Variants in PLD5 observed in about 807,000 individuals in gnomAD.
PLD5 encodes phospholipase D family member 5, also known as inactive phospholipase D5.
Under a neutral mutation model 61.1 loss-of-function variants are expected in PLD5, and 36 were observed. The observed-to-expected ratio is 0.59, with a 90% CI of 0.45 to 0.78. The LOEUF is 0.78. Among genes scored for constraint, PLD5 ranks in the 30% least tolerant of loss-of-function variants. The pLI, the probability that PLD5 is intolerant of heterozygous loss-of-function variation, is 0.00. For missense variants in PLD5, 515 were observed against 644.4 expected (o/e 0.80, Z 2.17); for synonymous variants, 243 against 242.8 (o/e 1.00, Z -0.01).
rs140877729 is a variant in PLD5, at chr1:242,188,352, G to A, written c.735+31636C>T. On this transcript the variant is annotated intron_variant, in intron 5 of 9. Coordinates refer to ENST00000536534, the MANE Select transcript of PLD5 (RefSeq NM_001372062.1). ...ATGTTATTTTTAAGACAGAGATAAGGTTTCCCCATGAGTGTGCAGAAGGTA... is the reference window on the plus strand; with the variant it reads ...ATGTTATTTTTAAGACAGAGATAAGATTTCCCCATGAGTGTGCAGAAGGTA... 7.4e-4 allele frequency among the ~76,000 whole-genome samples: 112 copies of A among 152,266 alleles called. 1 individual carries two copies. The highest frequency in any genetic ancestry group is 6.8e-3 in the Middle Eastern group (2 of 294).
intron 1 of PLD5, among the ~76,000 whole-genome samples, chr1:242,370,911 A>G (rs2149246091): frequency 6.6e-6 from 1 of 152,314 alleles, no homozygotes; most frequent in South Asian, 2.1e-4. Flanking sequence ...ATATATCAAA[A>G]TAAGTCCAAG....
At chr1:242,121,835 G>A (rs534731731) in intron 6 of PLD5, among the ~76,000 whole-genome samples, 65 of 151,224 alleles carry the variant, frequency 4.3e-4, no homozygotes, top group African/African-American at 1.4e-3. Context: ...GCAAACTATC[G>A]CAAGGACAGA....
intron 3 of PLD5, 97 bp downstream of exon 3, chr1:242,288,265 T>C: frequency 6.4e-7 from 1 of 1,559,154 alleles, no homozygotes; most frequent in Non-Finnish European, 8.7e-7. Context: ...TAGACTAAAA[T>C]AAATGAGCTT....
chr1:242,267,270 C>T (rs1673745156), intron 3 of PLD5, among the ~76,000 whole-genome samples: 1 of 152,072 alleles, frequency 6.6e-6, no homozygotes, highest in Admixed American at 6.6e-5. Context: ...AAGAAGCTGC[C>T]AGTGCTGAGG....
chr1:242,101,795 G>A (rs931122234), intron 8 of PLD5, among the ~76,000 whole-genome samples: 1 of 152,148 alleles, frequency 6.6e-6, no homozygotes, highest in Admixed American at 6.6e-5. Flanking sequence ...GTGGTAGAAC[G>A]GTGATAAACT....
At chr1:242,420,341 C>T (rs936885965) in intron 1 of PLD5, among the ~76,000 whole-genome samples, 1 of 152,084 alleles carries the variant, frequency 6.6e-6, no homozygotes, top group African/African-American at 2.4e-5. Flanking sequence ...GTTCCATCTC[C>T]TGCTGGGAAT....
intron 1 of PLD5, among the ~76,000 whole-genome samples, chr1:242,348,791 A>T (rs1464304226): frequency 6.6e-6 from 1 of 152,184 alleles, no homozygotes; most frequent in Non-Finnish European, 1.5e-5. Context: ...GCGGTGGCTC[A>T]TGCCTGTAAT....
At chr1:242,295,588 T>C (rs1002652695) in intron 2 of PLD5, among the ~76,000 whole-genome samples, 16 of 152,330 alleles carry the variant, frequency 1.1e-4, no homozygotes, top group Non-Finnish European at 2.1e-4. Context: ...TTGTGAATAG[T>C]GGTGAGATAA....
At chr1:242,162,416 C>T (rs188196896) in intron 5 of PLD5, among the ~76,000 whole-genome samples, 1 of 152,116 alleles carries the variant, frequency 6.6e-6, no homozygotes, top group Non-Finnish European at 1.5e-5. Flanking sequence ...ACAACCATTA[C>T]AGGAAGCAGG....
At chr1:242,102,374 A>G (rs1015813139) in intron 8 of PLD5, among the ~76,000 whole-genome samples, 3 of 152,238 alleles carry the variant, frequency 2.0e-5, no homozygotes, top group Non-Finnish European at 2.9e-5. Context: ...CTGGAAGACT[A>G]AAATGACAGC....
Position 242,269,659 on chromosome 1 carries a change from C to T in PLD5, c.496-4211G>A, listed in dbSNP as rs533596712. Among the ~76,000 whole-genome samples, 147 of 151,934 alleles carry T rather than the reference C, an allele frequency of 9.7e-4. 1 individual carries two copies. Among genetic ancestry groups the T allele is most frequent in the African/African-American group, 3.5e-3 (144 of 41,400 alleles). On this transcript the variant is annotated intron_variant, in intron 3 of 9. Transcript: ENST00000536534. ...ATTAAGGTTTATATACTATCTTTGG[C>T]TAAGCAAAGGAAAATGAGTTTGGGG...
intron 4 of PLD5, among the ~76,000 whole-genome samples, chr1:242,247,938 G>A (rs1672485010): frequency 6.6e-6 from 1 of 152,168 alleles, no homozygotes; most frequent in Non-Finnish European, 1.5e-5. Context: ...GGCTGAAGCA[G>A]AATCTCTTCC....
At chr1:242,349,431 C>T (rs1054955325) in intron 1 of PLD5, among the ~76,000 whole-genome samples, 4 of 152,186 alleles carry the variant, frequency 2.6e-5, no homozygotes, top group African/African-American at 4.8e-5. Flanking sequence ...AGGTTACCTT[C>T]GGAATATGCC....
intron 4 of PLD5, 148 bp downstream of exon 4, chr1:242,265,189 T>G (rs1558410914): frequency 1.8e-6 from 2 of 1,113,252 alleles, no homozygotes; most frequent in East Asian, 6.6e-5. Context: ...TCAAAAACTT[T>G]AATCGAGTTA....
chr1:242,447,259 C>T (rs560824437), intron 1 of PLD5, among the ~76,000 whole-genome samples: 1 of 152,266 alleles, frequency 6.6e-6, no homozygotes, highest in South Asian at 2.1e-4. Flanking sequence ...GCTGGGCTGG[C>T]TTATTTGGTA....
chr1:242,173,649 T>TACAAG (rs1236844229), intron 5 of PLD5, among the ~76,000 whole-genome samples: 1 of 152,172 alleles, frequency 6.6e-6, no homozygotes, highest in Non-Finnish European at 1.5e-5. Context: ...CAAACTATAC[T>TACAAG]ACAAGACTAC....
At chr1:242,518,881 T>C (rs1279137209) in intron 1 of PLD5, among the ~76,000 whole-genome samples, 1 of 152,174 alleles carries the variant, frequency 6.6e-6, no homozygotes, top group Non-Finnish European at 1.5e-5. Flanking sequence ...TGGGTAGATA[T>C]ATGTCGACTG....
intron 1 of PLD5, among the ~76,000 whole-genome samples, chr1:242,353,585 T>C (rs1055573553): frequency 1.3e-5 from 2 of 152,124 alleles, no homozygotes; most frequent in Non-Finnish European, 2.9e-5. Flanking sequence ...TTGATAAGAA[T>C]TGCAATAAAT....
intron 5 of PLD5, among the ~76,000 whole-genome samples, chr1:242,144,284 A>T (rs1664395591): frequency 6.6e-6 from 1 of 152,064 alleles, no homozygotes; most frequent in African/African-American, 2.4e-5. Flanking sequence ...TAAACAAACC[A>T]AAATTTCTGC....
Sources: allele counts gnomAD v4.1 joint callset (sites outside exome capture counted in the v4.1 genomes callset), GRCh38; gene constraint gnomAD v4.1.1; transcripts MANE v1.5; gene names NCBI Gene and HGNC (gene_info 2026-07-23, HGNC 2026-07-21).